The following MS4A4E variants were observed in gnomAD, a reference collection of about 807,000 sequenced individuals.
MS4A4E encodes the protein putative membrane-spanning 4-domains subfamily A member 4E.
A neutral mutation model predicts 13.3 loss-of-function variants in MS4A4E; 23 were observed. The ratio of observed to expected loss-of-function variants is 1.73; its 90% confidence interval spans 1.25 to 2.45. MS4A4E has a LOEUF of 2.45. MS4A4E is among the 30% of genes most tolerant of loss of function. The probability of loss-of-function intolerance (pLI) is 0.00; values close to 1 mark genes in which losing one functional copy is unlikely to be tolerated. For missense variants in MS4A4E, 144 were observed against 131.2 expected (o/e 1.10, Z -0.48); for synonymous variants, 36 against 45.6 (o/e 0.79, Z 0.85).
At chr11:60,218,720 C>G (rs969579497) in intron 3 of MS4A4E, among the ~76,000 whole-genome samples, 17 of 152,122 alleles carry the variant, frequency 1.1e-4, no homozygotes, top group African/African-American at 4.1e-4. Flanking sequence ...AACTAAAGTC[C>G]CAGCAGGCCC....
chr11:60,200,480 G>GT lies in MS4A4E; in HGVS notation c.*1062dup, dbSNP rs2134902673. 6.6e-6 allele frequency among the ~76,000 whole-genome samples: 1 copy of GT among 152,218 alleles called. No individual in the cohort carries two copies. Among genetic ancestry groups the GT allele is most frequent in the South Asian group, 2.1e-4 (1 of 4,832 alleles). ...GTCCCTGGGTACTTGAGATTAGGGA[G>GT]TGGTGATGACTCTTAACGAGCATGC... On this transcript the variant is annotated 3_prime_UTR_variant, in exon 9 of 9. Coordinates refer to ENST00000651255, the MANE Select transcript of MS4A4E (RefSeq NM_001393391.1).
chr11:60,204,816 T>A (rs79999269), intron 8 of MS4A4E, among the ~76,000 whole-genome samples, 74 bp downstream of exon 8: 1,562 of 152,320 alleles, frequency 0.01, 16 homozygotes, highest in Middle Eastern at 0.027. Flanking sequence ...TATGCAATAG[T>A]ATTAAGGTTC....
intron 8 of MS4A4E, among the ~76,000 whole-genome samples, chr11:60,202,694 T>A (rs2084002060): frequency 6.6e-6 from 1 of 152,216 alleles, no homozygotes. Flanking sequence ...TGTAGGAGGA[T>A]CATCCTTTCC....
intron 3 of MS4A4E, chr11:60,225,090 CA>C: frequency 6.5e-7 from 1 of 1,547,502 alleles, no homozygotes; most frequent in African/African-American, 1.4e-5. Flanking sequence ...AGAATCCGCA[CA>C]ACCTAGAAAT....
chr11:60,217,308 G>A (rs570204102), intron 3 of MS4A4E, among the ~76,000 whole-genome samples: 22 of 152,276 alleles, frequency 1.4e-4, no homozygotes, highest in Middle Eastern at 3.4e-3. Flanking sequence ...CTGTTAAAGC[G>A]AGAGCATTGA....
At chr11:60,210,821 T>A (rs1216428569) in intron 5 of MS4A4E, among the ~76,000 whole-genome samples, 2 of 152,080 alleles carry the variant, frequency 1.3e-5, no homozygotes, top group African/African-American at 4.8e-5. Context: ...ATGGAAGTCC[T>A]CTGCTATTAG....
chr11:60,232,322 C>CACACA (rs58202966), intron 1 of MS4A4E, among the ~76,000 whole-genome samples: 3 of 112,378 alleles, frequency 2.7e-5, no homozygotes, highest in South Asian at 3.1e-4. Flanking sequence ...CACACACACA[C>CACACA]CAAAAATGAA....
intron 1 of MS4A4E, among the ~76,000 whole-genome samples, chr11:60,238,056 T>C (rs980375755): frequency 2.0e-5 from 3 of 151,826 alleles, no homozygotes; most frequent in African/African-American, 7.3e-5. Context: ...ATAATCTTTT[T>C]TACATGTTGC....
At position 60,208,586 on chromosome 11, in the gene MS4A4E, T is replaced by C. The variant is rs2084078559; in HGVS notation, c.483+7A>G. On this transcript the variant is annotated splice_region_variant and intron_variant, in intron 6 of 8. Transcript: ENST00000651255. Reference sequence around the variant, plus strand: ...ACAGATACCTTCAAATGAAGGCCAATACTGACCTCACTGGGGCTACAACAA... The same window carrying C: ...ACAGATACCTTCAAATGAAGGCCAACACTGACCTCACTGGGGCTACAACAA... 2 of 1,088,930 alleles carry C rather than the reference T, an allele frequency of 1.8e-6. No homozygotes were observed. The highest frequency in any genetic ancestry group is 2.8e-6 in the Non-Finnish European group (2 of 726,224). 67.5% of individuals were successfully genotyped at this position (1,088,930 alleles called of 1,614,324 possible). A position where few individuals can be genotyped will look rare whatever the true frequency, so the allele number is the denominator to read the frequency against.
chr11:60,216,696 G>A (rs1285261632), intron 3 of MS4A4E, among the ~76,000 whole-genome samples: 1 of 151,830 alleles, frequency 6.6e-6, no homozygotes, highest in African/African-American at 2.4e-5. Context: ...GGTTAATATT[G>A]AGTGTCAACT....
At chr11:60,239,801 A>G (rs1165666019) in intron 1 of MS4A4E, among the ~76,000 whole-genome samples, 2 of 152,240 alleles carry the variant, frequency 1.3e-5, no homozygotes, top group Admixed American at 1.3e-4. Flanking sequence ...TCCCCTGAAC[A>G]GAATACAAAA....
At chr11:60,235,933 G>A (rs767861775) in intron 1 of MS4A4E, among the ~76,000 whole-genome samples, 9 of 152,268 alleles carry the variant, frequency 5.9e-5, no homozygotes, top group African/African-American at 2.2e-4. Flanking sequence ...GCTCCACTTT[G>A]AGCTGTTTTG....
rs1202612997 is a variant in MS4A4E, at chr11:60,201,061, G to A, written c.*482C>T. ...TCCCAGACGTGGTGGCTGGCCGGGTGGGGGGCTGAACCCCCCACCTCCCTC... is the reference window on the plus strand; with the variant it reads ...TCCCAGACGTGGTGGCTGGCCGGGTAGGGGGCTGAACCCCCCACCTCCCTC... On this transcript the variant is annotated 3_prime_UTR_variant, in exon 9 of 9. Coordinates refer to ENST00000651255, the MANE Select transcript of MS4A4E (RefSeq NM_001393391.1). Among the ~76,000 whole-genome samples the A allele has an allele frequency of 2.1e-5, 3 of 144,272 alleles. No individual in the cohort carries two copies. Among genetic ancestry groups the A allele is most frequent in the Non-Finnish European group, 4.6e-5 (3 of 64,762 alleles). The allele number at this position is 144,272 out of a possible 152,430, so 94.6% of individuals were successfully genotyped here.
intron 1 of MS4A4E, among the ~76,000 whole-genome samples, chr11:60,233,694 A>G (rs1307133934): frequency 6.6e-6 from 1 of 152,202 alleles, no homozygotes; most frequent in Non-Finnish European, 1.5e-5. Flanking sequence ...AGGATCAAAG[A>G]ATATCACATA....
At chr11:60,209,156 T>C (rs1168024825) in intron 5 of MS4A4E, 4 of 152,222 alleles carry the variant, frequency 2.6e-5, no homozygotes, top group Non-Finnish European at 5.9e-5. Context: ...GGGGGACCAT[T>C]GTTCTTTTTG....
At chr11:60,217,503 T>G (rs995174655) in intron 3 of MS4A4E, among the ~76,000 whole-genome samples, 3 of 152,038 alleles carry the variant, frequency 2.0e-5, no homozygotes, top group African/African-American at 7.2e-5. Flanking sequence ...TTCACCTTTG[T>G]CTAAGGAGAT....
intron 4 of MS4A4E, 54 bp downstream of exon 4, chr11:60,214,517 A>T (rs2084165624): frequency 7.8e-7 from 1 of 1,279,610 alleles, no homozygotes; most frequent in African/African-American, 1.5e-5. Flanking sequence ...CCCTGGCAGA[A>T]TACATTATTG....
At position 60,213,080 on chromosome 11, in the gene MS4A4E, C is replaced by A. The variant is rs956782921; in HGVS notation, c.275G>T (p.Gly92Val). The change falls in exon 5 of 9, where the codon GGG (glycine) becomes GTG (valine). Residue 92 changes from glycine to valine, a missense_variant. Around this residue, in one of 3 missense-constraint regions of MS4A4E, gnomAD observed 119 missense variants for 88.7 expected, o/e 1.34. Transcript: ENST00000651255. ...CAAGCTTATTGCATTGATTAAGATC[C>A]CTGATATAGCCAAGACTGAACTGGT... is the stretch of plus-strand genomic sequence containing the variant. ...NITSSVLAIS[G>V]ILINAISLTF... 4 of 522,436 alleles carry A rather than the reference C, an allele frequency of 7.7e-6. No individual in the cohort carries two copies. The East Asian group carries it at 1.3e-4, about 16-fold the overall frequency. 32.4% of individuals were successfully genotyped at this position (522,436 alleles called of 1,614,324 possible).
intron 1 of MS4A4E, among the ~76,000 whole-genome samples, chr11:60,232,286 C>T (rs1458640273): frequency 1.4e-5 from 1 of 72,520 alleles, no homozygotes. Flanking sequence ...TCGCCATCAA[C>T]ACACACACAC....
Sources: allele counts gnomAD v4.1 joint callset (sites outside exome capture counted in the v4.1 genomes callset), GRCh38; gene constraint gnomAD v4.1.1; regional missense constraint gnomAD v4.1.1; transcripts MANE v1.5; gene names NCBI Gene and HGNC (gene_info 2026-07-23, HGNC 2026-07-21).